The following PRKN variants were observed in gnomAD, a reference collection of about 807,000 sequenced individuals.
The protein encoded by PRKN is E3 ubiquitin-protein ligase parkin.
Under a neutral mutation model 59.5 loss-of-function variants are expected in PRKN, and 56 were observed. That is an observed-to-expected ratio of 0.94 (90% confidence interval 0.76 to 1.18). PRKN has a LOEUF of 1.18. Among genes scored for constraint, PRKN ranks in the 50% most tolerant of loss-of-function variants. The probability of loss-of-function intolerance (pLI) is 0.00; values close to 1 mark genes in which losing one functional copy is unlikely to be tolerated. For missense variants in PRKN, 657 were observed against 596.4 expected (o/e 1.10, Z -1.06); for synonymous variants, 250 against 222.1 (o/e 1.13, Z -1.12).
chr6:161,943,290 C>A (rs904733975), intron 6 of PRKN, among the ~76,000 whole-genome samples: 4 of 152,202 alleles, frequency 2.6e-5, no homozygotes, highest in Non-Finnish European at 2.9e-5. Context: ...AATTAACAAA[C>A]CACAAAATTC....
chr6:161,612,251 G>A (rs544816570), intron 7 of PRKN, among the ~76,000 whole-genome samples: 65 of 152,316 alleles, frequency 4.3e-4, no homozygotes, highest in African/African-American at 1.5e-3. Flanking sequence ...TAAACCACAG[G>A]TTTTCAATGT....
At chr6:162,431,394 T>C (rs542356326) in intron 2 of PRKN, among the ~76,000 whole-genome samples, 165 of 152,000 alleles carry the variant, frequency 1.1e-3, no homozygotes, top group Non-Finnish European at 2.1e-3. Context: ...TTTAAATTTA[T>C]TTTTCAGGAA....
intron 1 of PRKN, among the ~76,000 whole-genome samples, chr6:162,681,605 T>G (rs935048008): frequency 3.9e-5 from 6 of 152,144 alleles, no homozygotes; most frequent in Non-Finnish European, 7.4e-5. Context: ...CCAATCAAAA[T>G]GATTGTGGGC....
intron 2 of PRKN, among the ~76,000 whole-genome samples, chr6:162,378,005 C>T (rs1353278701): frequency 6.6e-6 from 1 of 152,178 alleles, no homozygotes; most frequent in African/African-American, 2.4e-5. Context: ...GTGTGGGCAT[C>T]GTTCACTCCC....
chr6:162,611,483 G>A (rs961667707), intron 1 of PRKN, among the ~76,000 whole-genome samples: 2 of 152,166 alleles, frequency 1.3e-5, no homozygotes, highest in Non-Finnish European at 2.9e-5. Context: ...CATTCACAGA[G>A]TAAATATTAT....
intron 2 of PRKN, among the ~76,000 whole-genome samples, chr6:162,403,342 C>T (rs1484742114): frequency 6.6e-6 from 1 of 152,044 alleles, no homozygotes; most frequent in Non-Finnish European, 1.5e-5. Context: ...GTGCCTCACT[C>T]CCTCACCCGG....
At chr6:162,608,215 T>C (rs919356614) in intron 1 of PRKN, among the ~76,000 whole-genome samples, 7 of 152,188 alleles carry the variant, frequency 4.6e-5, no homozygotes, top group African/African-American at 1.7e-4. Flanking sequence ...AAGGGAAGAC[T>C]GACGTATCGG....
At chr6:161,688,915 C>T (rs114533141) in intron 7 of PRKN, among the ~76,000 whole-genome samples, 4 of 152,070 alleles carry the variant, frequency 2.6e-5, no homozygotes, top group African/African-American at 9.7e-5. Flanking sequence ...ACCTCTGCTT[C>T]CGAGAAATGA....
intron 7 of PRKN, among the ~76,000 whole-genome samples, chr6:161,715,368 C>T (rs570066259): frequency 4.6e-5 from 7 of 152,126 alleles, no homozygotes; most frequent in South Asian, 2.1e-4. Context: ...ATATCTGGAA[C>T]GCCATAGCAG....
intron 3 of PRKN, among the ~76,000 whole-genome samples, chr6:162,249,068 C>T (rs763079536): frequency 1.3e-5 from 2 of 151,874 alleles, no homozygotes; most frequent in African/African-American, 2.4e-5. Context: ...TTAGTAGAGA[C>T]GAGGTTTCAC....
chr6:161,882,364 A>G lies in PRKN; in HGVS notation c.734+90938T>C, dbSNP rs1040017101. ...GCGGGGCGGGGGCGTGCGGTGCAAG[A>G]ATCAGGCAGGTGGTGCGGCCCTCCA... is the stretch of plus-strand genomic sequence containing the variant. On this transcript the variant is annotated intron_variant, in intron 6 of 11. Coordinates refer to ENST00000366898, the MANE Select transcript of PRKN (RefSeq NM_004562.3). Among the ~76,000 whole-genome samples the G allele has an allele frequency of 2.0e-5, 3 of 152,260 alleles. No individual in the cohort carries two copies. The East Asian group carries it at 5.8e-4, about 30-fold the overall frequency.
At chr6:161,674,222 T>A (rs759905591) in intron 7 of PRKN, among the ~76,000 whole-genome samples, 1 of 152,030 alleles carries the variant, frequency 6.6e-6, no homozygotes, top group African/African-American at 2.4e-5. Context: ...TCATGAAGTA[T>A]CCTAAGTATG....
intron 1 of PRKN, among the ~76,000 whole-genome samples, chr6:162,529,730 C>T (rs1778432670): frequency 6.6e-6 from 1 of 152,212 alleles, no homozygotes; most frequent in Non-Finnish European, 1.5e-5. Context: ...AACTGAAGTC[C>T]ATCCCTAGGG....
At chr6:161,375,274 C>T (rs977514417) in intron 10 of PRKN, among the ~76,000 whole-genome samples, 1 of 152,178 alleles carries the variant, frequency 6.6e-6, no homozygotes, top group African/African-American at 2.4e-5. Flanking sequence ...CTCTGCCGTG[C>T]TGGAGTGACA....
chr6:162,039,595 G>A (rs1783984735), intron 5 of PRKN, among the ~76,000 whole-genome samples: 1 of 152,166 alleles, frequency 6.6e-6, no homozygotes, highest in Admixed American at 6.5e-5. Context: ...GCGGCCTCAG[G>A]CCCTCCCCCA....
chr6:162,500,200 T>A (rs1583676941), intron 1 of PRKN, among the ~76,000 whole-genome samples: 1 of 150,134 alleles, frequency 6.7e-6, no homozygotes, highest in East Asian at 2.0e-4. Context: ...GGTGACAGAG[T>A]TTCACTCTGT....
chr6:161,596,669 T>G (rs1781925348), intron 7 of PRKN, among the ~76,000 whole-genome samples: 1 of 152,184 alleles, frequency 6.6e-6, no homozygotes, highest in Non-Finnish European at 1.5e-5. Flanking sequence ...CCTATGCTCA[T>G]AATTAAGTCG....
chr6:162,702,536 A>G (rs1335480893), intron 1 of PRKN, among the ~76,000 whole-genome samples: 2 of 152,162 alleles, frequency 1.3e-5, no homozygotes, highest in Non-Finnish European at 2.9e-5. Flanking sequence ...AATAAATTAA[A>G]GTTCCTTTCT....
chr6:161,516,260 C>T (rs535475288), intron 9 of PRKN, among the ~76,000 whole-genome samples: 9 of 151,350 alleles, frequency 5.9e-5, no homozygotes, highest in East Asian at 2.0e-4. Flanking sequence ...CCAGCCTGTC[C>T]GACATGGTGA....
Sources: gnomAD v4.1 joint callset for allele counts (sites outside exome capture counted in the v4.1 genomes callset) on GRCh38, gnomAD v4.1.1 for gene constraint, MANE v1.5 for transcripts, NCBI Gene and HGNC (gene_info 2026-07-23, HGNC 2026-07-21) for gene names.